Variants in CCDC82 observed in about 807,000 individuals in gnomAD.
CCDC82 encodes coiled-coil domain-containing protein 82.
In CCDC82, 47 loss-of-function variants were observed where a neutral mutation model predicts 60.6. That is an observed-to-expected ratio of 0.77 (90% CI 0.61 to 0.99). CCDC82 has a LOEUF of 0.99. Among genes scored for constraint, CCDC82 ranks in the 50% least tolerant of loss-of-function variants. The probability of loss-of-function intolerance (pLI) is 0.00; values close to 1 mark genes in which losing one functional copy is unlikely to be tolerated. For synonymous variants in CCDC82, 212 were observed against 207.4 expected (o/e 1.02, Z -0.19); for missense variants, 588 against 633.0 (o/e 0.93, Z 0.76).
chr11:96,366,995 T>C (rs891031547), intron 7 of CCDC82, among the ~76,000 whole-genome samples: 1 of 152,246 alleles, frequency 6.6e-6, no homozygotes, highest in Non-Finnish European at 1.5e-5. Flanking sequence ...GTCTAAAATG[T>C]ATGTAATTTA....
chr11:96,376,775 T>C (rs1200273349), intron 5 of CCDC82, among the ~76,000 whole-genome samples: 1 of 152,168 alleles, frequency 6.6e-6, no homozygotes, highest in African/African-American at 2.4e-5. Flanking sequence ...TTGGTTGCGA[T>C]TGTAGATGGA....
chr11:96,365,211 TC>T (rs767371872), intron 7 of CCDC82, 61 bp from the exon 8 acceptor site: 4 of 1,131,896 alleles, frequency 3.5e-6, no homozygotes, highest in South Asian at 3.5e-5. Flanking sequence ...AAAGTAAGAA[TC>T]TAACCAATTA....
In CCDC82 at chr11:96,384,473, C is replaced by T; in HGVS notation, c.275G>A (p.Ser92Asn). ...GAGACACTTACTGTCATTTCCTTCA[C>T]TTTGAATTTTACTTAAGTTGAGCTC... ...ERELNLSKIQ[S>N]EGNDSKCLIN... The change falls in exon 4 of 10, where the codon AGT becomes AAT. Residue 92 changes from serine to asparagine, a missense_variant. Coordinates refer to ENST00000646818, the MANE Select transcript of CCDC82 (RefSeq NM_024725.4). 1 of 1,613,806 alleles carries T rather than the reference C, an allele frequency of 6.2e-7. No homozygotes were observed. The highest frequency in any genetic ancestry group is 2.2e-5 in the East Asian group (1 of 44,858).
At chr11:96,364,428 T>C (rs906269180) in intron 8 of CCDC82, 1 of 152,104 alleles carries the variant, frequency 6.6e-6, no homozygotes, top group Non-Finnish European at 1.5e-5. Context: ...TAGATAAATA[T>C]TATATTTCCA....
At chr11:96,378,350 G>T (rs1209133223) in intron 5 of CCDC82, among the ~76,000 whole-genome samples, 1 of 151,790 alleles carries the variant, frequency 6.6e-6, no homozygotes, top group Non-Finnish European at 1.5e-5. Context: ...TTCTTTTAAT[G>T]AAACACTTTT....
chr11:96,362,958 T>C (rs1864742595), intron 8 of CCDC82, among the ~76,000 whole-genome samples: 5 of 152,060 alleles, frequency 3.3e-5, no homozygotes, highest in Admixed American at 2.6e-4. Flanking sequence ...GCACAATTTC[T>C]TTTTCTTTTC....
In CCDC82 at chr11:96,384,525, A is replaced by C; in HGVS notation, c.223T>G (p.Cys75Gly). 1 of 1,613,660 alleles carries C rather than the reference A, an allele frequency of 6.2e-7. No individual in the cohort carries two copies. The highest frequency in any genetic ancestry group is 8.5e-7 in the Non-Finnish European group (1 of 1,179,732). The change falls in exon 4 of 10, where the codon TGT becomes GGT. Residue 75 changes from cysteine (C) to glycine (G), a missense_variant. Coordinates refer to ENST00000646818, the MANE Select transcript of CCDC82 (RefSeq NM_024725.4). ...EELDSNKGPDCNKTPGSEREL... is the reference protein window; with the variant it reads ...EELDSNKGPDGNKTPGSEREL... ...CTTTCACTTCCTGGTGTTTTATTACAATCAGGTCCCTTGTTACTATCAAGC... is the reference window on the plus strand; with the variant it reads ...CTTTCACTTCCTGGTGTTTTATTACCATCAGGTCCCTTGTTACTATCAAGC...
At chr11:96,354,880 C>T (rs1043142847) in intron 9 of CCDC82, 29 of 152,274 alleles carry the variant, frequency 1.9e-4, no homozygotes, top group African/African-American at 7.0e-4. Flanking sequence ...AGAGAGGATC[C>T]TGGTGACCCT....
At position 96,383,277 on chromosome 11, in the gene CCDC82, TTC is replaced by T; in HGVS notation, c.981_982del (p.Asn328PhefsTer6). 1 of 1,527,214 alleles carries T rather than the reference TTC, an allele frequency of 6.5e-7. No homozygotes were observed. The highest frequency in any genetic ancestry group is 1.1e-5 in the South Asian group (1 of 89,178). The allele number at this position is 1,527,214 out of a possible 1,614,324, so 94.6% of individuals were successfully genotyped here. A position where few individuals can be genotyped will look rare whatever the true frequency, so the allele number is the denominator to read the frequency against. On this transcript the variant is annotated frameshift_variant, in exon 5 of 10. Transcript: ENST00000646818. LOFTEE classifies it high-confidence loss of function. Reference sequence around the variant, plus strand: ...CTTAATATTGAACTTACAAAGAGAATTCTGTTTTACTAATTTCAGTTGTGATG... The same window carrying T: ...CTTAATATTGAACTTACAAAGAGAATTGTTTTACTAATTTCAGTTGTGATG...
At chr11:96,356,530 G>A (rs1864358026) in intron 9 of CCDC82, 8 of 985,086 alleles carry the variant, frequency 8.1e-6, no homozygotes, top group Non-Finnish European at 9.6e-6. Flanking sequence ...AACTTCCCAG[G>A]AAGTCCCATC....
At position 96,384,586 on chromosome 11, in the gene CCDC82, C is replaced by A. The variant is rs1306561800; in HGVS notation, c.162G>T (p.Glu54Asp). 6.2e-7 allele frequency: 1 copy of A among 1,613,396 alleles called. No individual in the cohort carries two copies. The highest frequency in any genetic ancestry group is 8.5e-7 in the Non-Finnish European group (1 of 1,179,636). Residue 54 changes from glutamate to aspartate, a missense_variant, in exon 4 of 10, where the codon GAG (glutamate) becomes GAT (aspartate). Glu to Asp is a conservative substitution (Grantham distance 45). Transcript: ENST00000646818. The stretch of plus-strand genomic sequence containing the variant: ...TTTCAAAACTTTCATCACTATCAAG[C>A]TCTTCATCACTATCAAATTCTTCAC... The part of the protein sequence containing the change: ...LDSEEFDSDE[E>D]LDSDESFEND...
chr11:96,371,315 C>T (rs903336749), intron 6 of CCDC82, among the ~76,000 whole-genome samples, 178 bp from the exon 7 acceptor site: 1 of 152,108 alleles, frequency 6.6e-6, no homozygotes, highest in Non-Finnish European at 1.5e-5. Context: ...GGGCACGGTG[C>T]CTCATGCCTG....
chr11:96,356,541 A>C (rs1864358960), intron 9 of CCDC82: 1 of 985,336 alleles, frequency 1.0e-6, no homozygotes, highest in Non-Finnish European at 1.2e-6. Flanking sequence ...AAGTCCCATC[A>C]TCATATACAC....
rs748346355 is a variant in CCDC82, at chr11:96,383,372, A to C, written c.888T>G (p.Asp296Glu). The change falls in exon 5 of 10, where the codon GAT becomes GAG. Residue 296 changes from aspartate to glutamate, a missense_variant. Asp to Glu is a conservative substitution (Grantham distance 45). Transcript: ENST00000646818. ...SDEDGDDYII[D>E]DFVVQDEEGD... ...CCTCCTCATCTTGCACTACAAAGTC[A>C]TCGATAATATAATCATCTCCATCTT... The C allele has an allele frequency of 6.2e-7, 1 of 1,602,674 alleles. No homozygotes were observed. Among genetic ancestry groups the C allele is most frequent in the South Asian group, 1.1e-5 (1 of 90,404 alleles).
At position 96,386,232 on chromosome 11, in the gene CCDC82, TTTTGA is replaced by T. The variant is rs1358476062; in HGVS notation, c.-15+17_-15+21del. 6.6e-6 allele frequency: 1 copy of T among 152,514 alleles called. No homozygotes were observed. Among genetic ancestry groups the T allele is most frequent in the Non-Finnish European group, 1.5e-5 (1 of 68,006 alleles). 9.4% of individuals were successfully genotyped at this position (152,514 alleles called of 1,614,324 possible). A position where few individuals can be genotyped will look rare whatever the true frequency, so the allele number is the denominator to read the frequency against. ...TTACAAAAATTCAATGCCAAAAATT[TTTTGA>T]GCAATGGGAATCTTACCGGACTATG... is the stretch of plus-strand genomic sequence containing the variant. On this transcript the variant is annotated intron_variant, in intron 3 of 9. Coordinates refer to ENST00000646818, the MANE Select transcript of CCDC82 (RefSeq NM_024725.4).
At chr11:96,361,539 T>C (rs987687754) in intron 8 of CCDC82, among the ~76,000 whole-genome samples, 2 of 152,194 alleles carry the variant, frequency 1.3e-5, no homozygotes, top group Non-Finnish European at 2.9e-5. Context: ...AGAACCTATA[T>C]GGAAGGGCAT....
chr11:96,376,351 T>C (rs1317820400), intron 5 of CCDC82, among the ~76,000 whole-genome samples: 1 of 152,166 alleles, frequency 6.6e-6, no homozygotes, highest in Non-Finnish European at 1.5e-5. Flanking sequence ...AGAAACATGC[T>C]TGTCTCTCCG....
intron 6 of CCDC82, among the ~76,000 whole-genome samples, 159 bp from the exon 7 acceptor site, chr11:96,371,296 G>C (rs1222321083): frequency 6.6e-6 from 1 of 152,052 alleles, no homozygotes; most frequent in Non-Finnish European, 1.5e-5. Context: ...AGGAAAAACA[G>C]GGTAGGCCGG....
intron 5 of CCDC82, among the ~76,000 whole-genome samples, chr11:96,379,987 T>C (rs1865782337): frequency 6.6e-6 from 1 of 151,712 alleles, no homozygotes; most frequent in Non-Finnish European, 1.5e-5. Flanking sequence ...AAAGGAATAT[T>C]ACAAACGGAA....
Sources: allele counts gnomAD v4.1 joint callset (sites outside exome capture counted in the v4.1 genomes callset), GRCh38; gene constraint gnomAD v4.1.1; transcripts MANE v1.5; gene names NCBI Gene and HGNC (gene_info 2026-07-23, HGNC 2026-07-21).